The following CABIN1 variants were observed in gnomAD, a reference collection of about 807,000 sequenced individuals.
CABIN1 encodes calcineurin binding protein 1.
In CABIN1, 133 loss-of-function variants were observed where a neutral mutation model predicts 227.7. That is an observed-to-expected ratio of 0.58 (90% CI 0.51 to 0.67). The LOEUF is 0.67. Among genes scored for constraint, CABIN1 ranks in the 30% least tolerant of loss-of-function variants. CABIN1 has a pLI of 0.00. For synonymous variants in CABIN1, 1,086 were observed against 1,155.1 expected, an observed-to-expected ratio of 0.94 and a Z score of 1.21; for missense variants, 2,408 against 2,852.5, an observed-to-expected ratio of 0.84 and a Z score of 3.55.
intron 3 of CABIN1, among the ~76,000 whole-genome samples, chr22:24,036,699 T>C (rs1424229409): frequency 1.3e-5 from 2 of 152,200 alleles, no homozygotes; most frequent in Admixed American, 6.5e-5. Context: ...TTCATCTCCA[T>C]ACCCTTCTCC....
At chr22:24,066,646 C>T (rs190133865) in intron 15 of CABIN1, among the ~76,000 whole-genome samples, 34 of 152,294 alleles carry the variant, frequency 2.2e-4, no homozygotes, top group Middle Eastern at 3.4e-3. Context: ...CCCGATGTTC[C>T]GCAGTTCTGC....
chr22:24,051,191 T>C (rs1349308288), intron 8 of CABIN1, among the ~76,000 whole-genome samples: 2 of 152,190 alleles, frequency 1.3e-5, no homozygotes, highest in Non-Finnish European at 2.9e-5. Context: ...TCTCAGTCCC[T>C]TTTTGCTGTT....
Position 24,096,000 on chromosome 22 carries a change from G to A in CABIN1, c.3856G>A (p.Val1286Ile). ...GCCCGATTCTGGGGTTGGTGCAGAGGTCCTGGTCAACTTTATGAAGGAGGC... is the reference window on the plus strand; with the variant it reads ...GCCCGATTCTGGGGTTGGTGCAGAGATCCTGGTCAACTTTATGAAGGAGGC... ...GKPDSGVGAEVLVNFMKEAAE... is the reference protein window; with the variant it reads ...GKPDSGVGAEILVNFMKEAAE... Residue 1286 changes from valine to isoleucine, a missense_variant, in exon 25 of 37, where the codon GTC becomes ATC. Coordinates refer to ENST00000263119, the MANE Select transcript of CABIN1 (RefSeq NM_012295.4). 1.9e-6 allele frequency: 3 copies of A among 1,614,166 alleles called. No homozygotes were observed. The highest frequency in any genetic ancestry group is 2.5e-6 in the Non-Finnish European group (3 of 1,180,014).
intron 19 of CABIN1, among the ~76,000 whole-genome samples, chr22:24,080,404 T>C (rs1484634826): frequency 6.6e-6 from 1 of 152,266 alleles, no homozygotes; most frequent in Non-Finnish European, 1.5e-5. Context: ...TAATGTTTTA[T>C]GATATCCAAC....
chr22:24,120,380 G>C (rs543336197), intron 28 of CABIN1, among the ~76,000 whole-genome samples: 38 of 152,364 alleles, frequency 2.5e-4, no homozygotes, highest in Middle Eastern at 6.8e-3. Flanking sequence ...CTGGCGTTTA[G>C]ATTTGGGGAG....
At chr22:24,034,091 C>T (rs928839860) in intron 1 of CABIN1, among the ~76,000 whole-genome samples, 1 of 152,208 alleles carries the variant, frequency 6.6e-6, no homozygotes, top group Non-Finnish European at 1.5e-5. Flanking sequence ...AATGCACAAC[C>T]GAGATCCCTC....
intron 24 of CABIN1, 114 bp from the exon 25 acceptor site, chr22:24,095,817 G>T: frequency 9.1e-7 from 1 of 1,096,338 alleles, no homozygotes; most frequent in Non-Finnish European, 1.4e-6. Context: ...AACAAGCAGT[G>T]TGTGGCAGCC....
rs377367623 is a variant in CABIN1, at chr22:24,171,647, C to A, written c.5758-66C>A. On this transcript the variant is annotated intron_variant, in intron 33 of 36. Transcript: ENST00000263119. ...CTGTGGGACAGCACTGGTCGGCTGG[C>A]GGGCAGAGCAGCGTGGGCTCAGGGC... The A allele has an allele frequency of 5.0e-6, 8 of 1,590,632 alleles. No homozygotes were observed. In the East Asian group the frequency reaches 6.7e-5, roughly 13 times the overall value.
At chr22:24,061,114 AG>A (rs912337892) in intron 12 of CABIN1, among the ~76,000 whole-genome samples, 3 of 152,176 alleles carry the variant, frequency 2.0e-5, no homozygotes, top group Non-Finnish European at 4.4e-5. Flanking sequence ...ATAAAACAGC[AG>A]AAGCTAAATA....
Position 24,171,931 on chromosome 22 carries a change from G to A in CABIN1, c.5976G>A (p.Lys1992=). The change falls in exon 34 of 37, where the codon AAG becomes AAA. Residue 1992 remains lysine, a synonymous_variant. Transcript: ENST00000263119. The stretch of plus-strand genomic sequence containing the variant: ...CAGCTTCCACCCTGGACCAGTCCAA[G>A]GACCCTGGGCCTCCCCGGCCACACA... ...SASASTLDQS[K]DPGPPRPHRP... 6.2e-7 allele frequency: 1 copy of A among 1,613,876 alleles called. No homozygotes were observed. Among genetic ancestry groups the A allele is most frequent in the Non-Finnish European group, 8.5e-7 (1 of 1,180,042 alleles).
At chr22:24,054,026 A>G (rs1415583691) in intron 8 of CABIN1, among the ~76,000 whole-genome samples, 1 of 152,142 alleles carries the variant, frequency 6.6e-6, no homozygotes, top group Non-Finnish European at 1.5e-5. Flanking sequence ...AGCCAGCCCA[A>G]AGGCCCAGTG....
intron 1 of CABIN1, among the ~76,000 whole-genome samples, chr22:24,017,324 A>C (rs1454752035): frequency 6.6e-6 from 1 of 152,156 alleles, no homozygotes; most frequent in Non-Finnish European, 1.5e-5. Flanking sequence ...GGCGTGAGCC[A>C]CTGCGCCTGA....
intron 1 of CABIN1, among the ~76,000 whole-genome samples, chr22:24,017,197 C>T (rs1045160365): frequency 6.6e-6 from 1 of 151,796 alleles, no homozygotes; most frequent in Non-Finnish European, 1.5e-5. Context: ...CCACCATGCC[C>T]AGCCAATTTT....
chr22:24,036,982 G>A (rs1033545228), intron 3 of CABIN1, among the ~76,000 whole-genome samples: 4 of 152,064 alleles, frequency 2.6e-5, no homozygotes, highest in African/African-American at 4.8e-5. Flanking sequence ...AAACCAGGCC[G>A]GGTGCGGTGG....
chr22:24,153,315 T>A (rs1209341266), intron 29 of CABIN1, among the ~76,000 whole-genome samples: 1 of 151,934 alleles, frequency 6.6e-6, no homozygotes, highest in Admixed American at 6.6e-5. Context: ...CCTTCAGGAG[T>A]GGCCCTGAGG....
intron 8 of CABIN1, among the ~76,000 whole-genome samples, chr22:24,054,386 TG>T (rs1336048756): frequency 6.6e-6 from 1 of 152,184 alleles, no homozygotes. Flanking sequence ...GGTAATCCAC[TG>T]AGGTGCTGCT....
chr22:24,065,896 C>G (rs543021072), intron 15 of CABIN1, among the ~76,000 whole-genome samples: 14 of 152,100 alleles, frequency 9.2e-5, no homozygotes, highest in Non-Finnish European at 1.5e-4. Context: ...CGCAGGCACT[C>G]GGCAGGCTGA....
Position 24,087,534 on chromosome 22 carries a change from G to A in CABIN1, c.3346G>A (p.Gly1116Arg), listed in dbSNP as rs770952197. The part of the protein sequence containing the change: ...KLNSNELKSD[G>R]PIWKHATPVL... The stretch of plus-strand genomic sequence containing the variant: ...GAACTCCAATGAGCTGAAGAGTGAT[G>A]GGCCCATTTGGAAGCATGCCACGCC... Residue 1116 changes from glycine to arginine, a missense_variant, in exon 23 of 37, where the codon GGG (glycine) becomes AGG (arginine). This residue lies in a region of CABIN1 where 649 missense variants were observed against 910.3 expected (regional missense o/e 0.71). Transcript: ENST00000263119. The A allele has an allele frequency of 1.9e-5, 31 of 1,614,058 alleles. 1 individual carries two copies. The highest frequency in any genetic ancestry group is 2.4e-5 in the Non-Finnish European group (28 of 1,180,046).
chr22:24,028,057 T>C (rs2036227384), intron 1 of CABIN1, among the ~76,000 whole-genome samples: 1 of 152,158 alleles, frequency 6.6e-6, no homozygotes, highest in Non-Finnish European at 1.5e-5. Flanking sequence ...AATTTTTTGG[T>C]TTCCCAGTAC....
Sources: allele counts gnomAD v4.1 joint callset (sites outside exome capture counted in the v4.1 genomes callset), GRCh38; gene constraint gnomAD v4.1.1; regional missense constraint gnomAD v4.1.1; transcripts MANE v1.5; gene names NCBI Gene and HGNC (gene_info 2026-07-23, HGNC 2026-07-21).